Variants in TPX2 observed in about 807,000 individuals in gnomAD.
TPX2 encodes targeting protein for Xklp2.
Under a neutral mutation model 93.6 loss-of-function variants are expected in TPX2, and 21 were observed. That is an observed-to-expected ratio of 0.22 (90% confidence interval 0.16 to 0.32). The LOEUF (loss-of-function observed/expected upper bound fraction) is 0.32, where lower values mean the gene tolerates loss of function less well. Ranked by LOEUF, TPX2 falls within the 10% of genes least tolerant of loss-of-function variation. TPX2 has a pLI of 1.00. For missense variants in TPX2, 776 were observed against 871.1 expected (o/e 0.89, Z 1.37); for synonymous variants, 281 against 298.3 (o/e 0.94, Z 0.60).
intron 7 of TPX2, among the ~76,000 whole-genome samples, chr20:31,774,566 A>T (rs533507971): frequency 6.6e-6 from 1 of 152,364 alleles, no homozygotes; most frequent in East Asian, 1.9e-4. Context: ...TAGGATGTGA[A>T]CATGAGTATT....
At chr20:31,769,440 T>G (rs1156783169) in intron 5 of TPX2, among the ~76,000 whole-genome samples, 1 of 151,604 alleles carries the variant, frequency 6.6e-6, no homozygotes, top group African/African-American at 2.4e-5. Flanking sequence ...TGCCTCAGCC[T>G]CTCAAGTAGC....
chr20:31,767,358 T>G (rs1043023732), intron 5 of TPX2, among the ~76,000 whole-genome samples: 1 of 150,974 alleles, frequency 6.6e-6, no homozygotes, highest in African/African-American at 2.5e-5. Flanking sequence ...TCTTCTGTAT[T>G]ACTTTAGCTC....
chr20:31,750,116 T>C (rs2061809545), intron 2 of TPX2, among the ~76,000 whole-genome samples: 1 of 151,056 alleles, frequency 6.6e-6, no homozygotes, highest in Non-Finnish European at 1.5e-5. Flanking sequence ...TTTGTGTTTT[T>C]AGTAGAGACA....
chr20:31,779,338 A>C (rs180732614), intron 10 of TPX2, among the ~76,000 whole-genome samples: 12 of 152,176 alleles, frequency 7.9e-5, no homozygotes, highest in Non-Finnish European at 1.5e-5. Flanking sequence ...ATTCAAGGCT[A>C]TGTGCTTTTT....
chr20:31,755,247 C>T (rs748784236), intron 2 of TPX2, among the ~76,000 whole-genome samples: 4 of 151,168 alleles, frequency 2.6e-5, no homozygotes, highest in Non-Finnish European at 5.9e-5. Context: ...CGTGCCCGGC[C>T]GCTTTTTTGT....
At position 31,793,876 on chromosome 20, in the gene TPX2, C is replaced by T. The variant is rs1485101399; in HGVS notation, c.1538C>T (p.Ala513Val). ...GAGGACGAACCGGTAGTGATAAAAG[C>T]TCAACCTGTGCCACATTATGGGGTG... is the stretch of plus-strand genomic sequence containing the variant. ...EEEDEPVVIK[A>V]QPVPHYGVPF... Residue 513 changes from alanine to valine, a missense_variant, in exon 14 of 18, where the codon GCT becomes GTT. By Grantham distance (64) the Ala-to-Val change is moderately conservative. Around this residue, in one of 3 missense-constraint regions of TPX2, gnomAD observed 461 missense variants for 551.2 expected, o/e 0.84. Transcript: ENST00000300403. 4.4e-6 allele frequency: 7 copies of T among 1,608,348 alleles called. No homozygotes were observed. Among genetic ancestry groups the T allele is most frequent in the Non-Finnish European group, 5.9e-6 (7 of 1,177,686 alleles).
intron 11 of TPX2, among the ~76,000 whole-genome samples, chr20:31,782,933 A>ACACACAC (rs1568599476): frequency 7.0e-6 from 1 of 143,580 alleles, no homozygotes; most frequent in African/African-American, 2.7e-5. Flanking sequence ...CACACACACA[A>ACACACAC]AATCTAATCC....
Position 31,767,359 on chromosome 20 carries a change from A to C in TPX2, c.356+677A>C, listed in dbSNP as rs903084384. 5.4e-4 allele frequency among the ~76,000 whole-genome samples: 81 copies of C among 150,758 alleles called. 1 individual carries two copies. The highest frequency in any genetic ancestry group is 5.9e-4 in the Non-Finnish European group (40 of 67,726). Reference sequence around the variant, plus strand: ...TCAAATATCTTTGTTCTTCTGTATTACTTTAGCTCTCTTTTTCTTTTTTTT... The same window carrying C: ...TCAAATATCTTTGTTCTTCTGTATTCCTTTAGCTCTCTTTTTCTTTTTTTT... On this transcript the variant is annotated intron_variant, in intron 5 of 17. Transcript: ENST00000300403.
At chr20:31,792,315 C>T (rs955186508) in intron 12 of TPX2, among the ~76,000 whole-genome samples, 1 of 152,114 alleles carries the variant, frequency 6.6e-6, no homozygotes, top group East Asian at 1.9e-4. Context: ...GCCGAGATTG[C>T]CCCATTGCAC....
rs2062092931 is a variant in TPX2 at position 31,790,362 on chromosome 20, G to A, written c.1414-2373G>A. ...GCAAAAAGCATTTTGGAAAAGCCAT[G>A]CATCTTGAATCCTGAGATGAGCCTT... On this transcript the variant is annotated intron_variant, in intron 12 of 17. Coordinates refer to ENST00000300403, the MANE Select transcript of TPX2 (RefSeq NM_012112.5). Among the ~76,000 whole-genome samples the A allele has an allele frequency of 1.3e-5, 2 of 152,188 alleles. 1 individual carries two copies. The highest frequency in any genetic ancestry group is 4.1e-4 in the South Asian group (2 of 4,828).
intron 2 of TPX2, among the ~76,000 whole-genome samples, chr20:31,743,484 G>A (rs1441990498): frequency 1.3e-5 from 2 of 151,950 alleles, no homozygotes; most frequent in Non-Finnish European, 2.9e-5. Flanking sequence ...CCAGGAGTTC[G>A]CGACCAGCCT....
chr20:31,760,874 TTG>T (rs1433301619), intron 4 of TPX2, among the ~76,000 whole-genome samples: 1 of 152,196 alleles, frequency 6.6e-6, no homozygotes, highest in African/African-American at 2.4e-5. Flanking sequence ...TAAAAGATGA[TTG>T]ACATTTAAAC....
chr20:31,767,081 C>T (rs1161095546), intron 5 of TPX2, among the ~76,000 whole-genome samples: 2 of 151,956 alleles, frequency 1.3e-5, no homozygotes, highest in African/African-American at 4.8e-5. Context: ...GGATTACAGG[C>T]GTGAGCTACT....
intron 5 of TPX2, among the ~76,000 whole-genome samples, chr20:31,769,318 CTTTT>C (rs143158722): frequency 8.2e-6 from 1 of 121,866 alleles, no homozygotes; most frequent in Non-Finnish European, 1.7e-5. Context: ...AATGATCACG[CTTTT>C]TTTTTTTTTT....
At chr20:31,779,080 GT>G in intron 10 of TPX2, 96 bp downstream of exon 10, 1 of 1,352,924 alleles carries the variant, frequency 7.4e-7, no homozygotes, top group South Asian at 1.6e-5. Flanking sequence ...TGAAATCCTA[GT>G]TTTTCAATTA....
chr20:31,745,041 C>T (rs1024726964), intron 2 of TPX2, among the ~76,000 whole-genome samples: 3 of 152,100 alleles, frequency 2.0e-5, no homozygotes, highest in South Asian at 2.1e-4. Context: ...GAGCCGAGAT[C>T]GCGCCATTGC....
chr20:31,782,123 C>A, intron 10 of TPX2, 126 bp from the exon 11 acceptor site: 2 of 1,250,560 alleles, frequency 1.6e-6, no homozygotes, highest in Non-Finnish European at 2.2e-6. Flanking sequence ...GTAAGCTGAG[C>A]TGACTGTTGT....
At chr20:31,791,203 T>C (rs2062098599) in intron 12 of TPX2, among the ~76,000 whole-genome samples, 1 of 152,032 alleles carries the variant, frequency 6.6e-6, no homozygotes, top group Non-Finnish European at 1.5e-5. Context: ...TATTTATGAG[T>C]GAGATTCAAG....
intron 5 of TPX2, among the ~76,000 whole-genome samples, chr20:31,768,483 A>G (rs1156890599): frequency 7.2e-6 from 1 of 139,566 alleles, no homozygotes; most frequent in African/African-American, 2.7e-5. Context: ...CTGACCTTGT[A>G]ATCCGCCCAC....
Sources: gnomAD v4.1 joint callset for allele counts (sites outside exome capture counted in the v4.1 genomes callset) on GRCh38, gnomAD v4.1.1 for gene constraint, gnomAD v4.1.1 regional missense constraint, MANE v1.5 for transcripts, NCBI Gene and HGNC (gene_info 2026-07-23, HGNC 2026-07-21) for gene names.